Variants in HCN1 observed in about 807,000 individuals in gnomAD.
The protein encoded by HCN1 is potassium/sodium hyperpolarization-activated cyclic nucleotide-gated channel 1.
HCN1 carries 13 observed loss-of-function variants against 78.9 expected under a neutral mutation model. That is an observed-to-expected ratio of 0.16 (90% CI 0.11 to 0.26). The LOEUF is 0.26. HCN1 is among the 10% of genes least tolerant of loss of function. The pLI is 1.00. For synonymous variants in HCN1, 552 were observed against 455.5 expected, an observed-to-expected ratio of 1.21 and a Z score of -2.70; for missense variants, 810 against 1,154.3, an observed-to-expected ratio of 0.70 and a Z score of 4.32.
intron 1 of HCN1, among the ~76,000 whole-genome samples, chr5:45,649,089 C>G (rs755393361): frequency 2.0e-4 from 31 of 151,938 alleles, no homozygotes; most frequent in Non-Finnish European, 4.3e-4. Context: ...TCATGCCTAC[C>G]TGGGTACACA....
intron 2 of HCN1, among the ~76,000 whole-genome samples, chr5:45,477,286 A>G (rs529273906): frequency 2.0e-4 from 31 of 152,288 alleles, no homozygotes; most frequent in African/African-American, 7.2e-4. Flanking sequence ...TTAAGAGACT[A>G]ACACATTGTT....
chr5:45,569,337 A>G (rs1743778665), intron 2 of HCN1, among the ~76,000 whole-genome samples: 1 of 152,188 alleles, frequency 6.6e-6, no homozygotes, highest in African/African-American at 2.4e-5. Flanking sequence ...TAGATAAGGA[A>G]AAATTATTAC....
At position 45,375,054 on chromosome 5, in the gene HCN1, T is replaced by TTA. The variant is rs527499523; in HGVS notation, c.1230+21436_1230+21437dup. Among the ~76,000 whole-genome samples, 112 of 126,694 alleles carry TTA rather than the reference T, an allele frequency of 8.8e-4. 2 individuals are homozygous for TTA. Among genetic ancestry groups the TTA allele is most frequent in the South Asian group, 8.0e-3 (36 of 4,498 alleles). 83.1% of individuals were successfully genotyped at this position (126,694 alleles called of 152,430 possible). A position where few individuals can be genotyped will look rare whatever the true frequency, so the allele number is the denominator to read the frequency against. ...AGTATATACTCAAAGGAATGGAATT[T>TTA]TATATATATATATAATATATTATAT... On this transcript the variant is annotated intron_variant, in intron 4 of 7. Coordinates refer to ENST00000303230, the MANE Select transcript of HCN1 (RefSeq NM_021072.4).
intron 3 of HCN1, among the ~76,000 whole-genome samples, chr5:45,404,439 T>C (rs955741647): frequency 2.0e-5 from 3 of 151,984 alleles, no homozygotes; most frequent in Admixed American, 6.6e-5. Context: ...TTAGATTATG[T>C]TTTTGTTATT....
At chr5:45,573,391 C>T (rs561048388) in intron 2 of HCN1, among the ~76,000 whole-genome samples, 2 of 152,116 alleles carry the variant, frequency 1.3e-5, no homozygotes, top group South Asian at 2.1e-4. Flanking sequence ...AATCCCATTG[C>T]TAATAGTGTC....
intron 2 of HCN1, among the ~76,000 whole-genome samples, chr5:45,610,543 T>C (rs888981552): frequency 6.7e-6 from 1 of 149,522 alleles, no homozygotes; most frequent in African/African-American, 2.4e-5. Flanking sequence ...ATATTTTAAA[T>C]ACATTGAAAT....
At chr5:45,564,839 GAAGAA>G (rs548030216) in intron 2 of HCN1, among the ~76,000 whole-genome samples, 1 of 152,136 alleles carries the variant, frequency 6.6e-6, no homozygotes, top group Non-Finnish European at 1.5e-5. Flanking sequence ...TCTCAGAAGG[GAAGAA>G]AAGAAATGAC....
chr5:45,340,653 T>TG lies in HCN1; in HGVS notation c.1377+12446_1377+12447insC, dbSNP rs1167460411. ...AAGCAAAATATGTTGATAGAGTTTT[T>TG]TTTTTTAAACAACTGATACCAGGGT... On this transcript the variant is annotated intron_variant, in intron 5 of 7. Transcript: ENST00000303230. 1.7e-4 allele frequency among the ~76,000 whole-genome samples: 26 copies of TG among 152,330 alleles called. No homozygotes were observed. The East Asian group carries it at 4.2e-3, about 25-fold the overall frequency.
intron 1 of HCN1, among the ~76,000 whole-genome samples, chr5:45,677,413 G>C (rs1739589852): frequency 6.6e-6 from 1 of 151,748 alleles, no homozygotes; most frequent in South Asian, 2.1e-4. Flanking sequence ...CTGGAGCCTT[G>C]GGGGAAATTT....
intron 2 of HCN1, among the ~76,000 whole-genome samples, chr5:45,587,232 A>G (rs530284943): frequency 2.6e-5 from 4 of 152,338 alleles, no homozygotes; most frequent in Admixed American, 1.3e-4. Context: ...TCATGCTGCC[A>G]TAAAGACACA....
At chr5:45,575,207 C>T (rs1002729838) in intron 2 of HCN1, 3 of 152,126 alleles carry the variant, frequency 2.0e-5, no homozygotes, top group Non-Finnish European at 4.4e-5. Context: ...CTGTTTAAAT[C>T]TTCAAAGAAC....
At chr5:45,465,171 G>C (rs532628555) in intron 2 of HCN1, among the ~76,000 whole-genome samples, 5 of 152,100 alleles carry the variant, frequency 3.3e-5, no homozygotes, top group African/African-American at 1.2e-4. Context: ...GAATGAATGA[G>C]AGAGTTGAAG....
chr5:45,600,857 T>C (rs373602832), intron 2 of HCN1, among the ~76,000 whole-genome samples: 1 of 152,166 alleles, frequency 6.6e-6, no homozygotes, highest in Non-Finnish European at 1.5e-5. Flanking sequence ...GCAAAAATAG[T>C]ATTTAAACAT....
chr5:45,447,786 G>A (rs918402086), intron 3 of HCN1, among the ~76,000 whole-genome samples: 7 of 151,898 alleles, frequency 4.6e-5, no homozygotes, highest in Admixed American at 3.9e-4. Flanking sequence ...TAGTCCTAAG[G>A]TTCACCTCAA....
intron 2 of HCN1, among the ~76,000 whole-genome samples, chr5:45,483,703 T>C (rs747162691): frequency 1.3e-5 from 2 of 152,160 alleles, no homozygotes; most frequent in Admixed American, 1.3e-4. Flanking sequence ...CAAGCTGATG[T>C]TGAGAAGAGT....
chr5:45,647,785 T>C (rs879900243), intron 1 of HCN1, among the ~76,000 whole-genome samples: 2 of 152,116 alleles, frequency 1.3e-5, no homozygotes, highest in Non-Finnish European at 2.9e-5. Flanking sequence ...ATGTGTGATT[T>C]GCAAGCCAGA....
At chr5:45,676,924 C>CT (rs1432972230) in intron 1 of HCN1, among the ~76,000 whole-genome samples, 3 of 151,770 alleles carry the variant, frequency 2.0e-5, no homozygotes, top group Admixed American at 6.6e-5. Context: ...ATCAATCTGT[C>CT]TATCTACTAG....
intron 2 of HCN1, among the ~76,000 whole-genome samples, chr5:45,609,667 C>T (rs1744795972): frequency 6.6e-6 from 1 of 152,050 alleles, no homozygotes; most frequent in Non-Finnish European, 1.5e-5. Context: ...AGTCTCTGTG[C>T]CATACTATAT....
At position 45,392,670 on chromosome 5, in the gene HCN1, C is replaced by G. The variant is rs555409847; in HGVS notation, c.1230+3822G>C. ...TGGCCAACATGGTGAAACCCTGCCT[C>G]TACTAAAAATACAAAAATTAGTCAG... On this transcript the variant is annotated intron_variant, in intron 4 of 7. Transcript: ENST00000303230. 5.7e-3 allele frequency among the ~76,000 whole-genome samples: 867 copies of G among 151,920 alleles called. 11 individuals are homozygous for G. Among genetic ancestry groups the G allele is most frequent in the African/African-American group, 0.02 (826 of 41,424 alleles).
Sources: allele counts gnomAD v4.1 joint callset (sites outside exome capture counted in the v4.1 genomes callset), GRCh38; gene constraint gnomAD v4.1.1; transcripts MANE v1.5; gene names NCBI Gene and HGNC (gene_info 2026-07-23, HGNC 2026-07-21).